Variants in ANKRD28 observed in about 807,000 individuals in gnomAD.
The protein encoded by ANKRD28 is serine/threonine-protein phosphatase 6 regulatory ankyrin repeat subunit A.
Under a neutral mutation model 126.5 loss-of-function variants are expected in ANKRD28, and 44 were observed. The observed-to-expected ratio is 0.35, with a 90% CI of 0.27 to 0.45. The LOEUF (loss-of-function observed/expected upper bound fraction) is 0.45. Among genes scored for constraint, ANKRD28 ranks in the 20% least tolerant of loss-of-function variants. The pLI, the probability that ANKRD28 is intolerant of heterozygous loss-of-function variation, is 1.00. For missense variants in ANKRD28, 1,110 were observed against 1,316.6 expected (o/e 0.84, Z 2.43); for synonymous variants, 442 against 468.5 (o/e 0.94, Z 0.73).
intron 2 of ANKRD28, among the ~76,000 whole-genome samples, chr3:15,770,416 A>G (rs1202723087): frequency 7.8e-6 from 1 of 128,492 alleles, no homozygotes; most frequent in Non-Finnish European, 1.5e-5. Flanking sequence ...ATATATACAT[A>G]TATATATATA....
Position 15,690,031 on chromosome 3 carries a change from T to C in ANKRD28, c.1951A>G (p.Ile651Val), listed in dbSNP as rs778682149. The C allele has an allele frequency of 2.8e-5, 45 of 1,607,878 alleles. No individual in the cohort carries two copies. Among genetic ancestry groups the C allele is most frequent in the Admixed American group, 5.1e-5 (3 of 59,378 alleles). Reference protein sequence around the residue: ...VKDYILKRTPIHAAATNGHSE... With the variant: ...VKDYILKRTPVHAAATNGHSE... Reference sequence around the variant, plus strand: ...ATATCTGGCATACCTGCTGCATGAATAGGTGTCCTCTTCAAAATGTAATCT... The same window carrying C: ...ATATCTGGCATACCTGCTGCATGAACAGGTGTCCTCTTCAAAATGTAATCT... The change falls in exon 18 of 28, where the codon ATT becomes GTT. Residue 651 changes from isoleucine to valine, a missense_variant. Coordinates refer to ENST00000683139, the MANE Select transcript of ANKRD28 (RefSeq NM_001349278.2).
chr3:15,745,148 G>A (rs1575503149), intron 4 of ANKRD28, among the ~76,000 whole-genome samples: 1 of 152,256 alleles, frequency 6.6e-6, no homozygotes, highest in East Asian at 1.9e-4. Flanking sequence ...TTTGTTAGGT[G>A]TATAGATTGC....
chr3:15,851,917 C>A (rs1016474085), intron 1 of ANKRD28, among the ~76,000 whole-genome samples: 1 of 152,042 alleles, frequency 6.6e-6, no homozygotes, highest in African/African-American at 2.4e-5. Context: ...TATGGTATAT[C>A]CATACAATGG....
chr3:15,765,234 C>G (rs143379085), intron 3 of ANKRD28, among the ~76,000 whole-genome samples: 2 of 152,152 alleles, frequency 1.3e-5, no homozygotes, highest in Admixed American at 6.5e-5. Context: ...GTAGTCTGAC[C>G]ACAATAGGAG....
chr3:15,686,228 T>C lies in ANKRD28; in HGVS notation c.2045A>G (p.Asn682Ser), dbSNP rs1219083546. The C allele has an allele frequency of 5.7e-6, 9 of 1,591,570 alleles. No individual in the cohort carries two copies. Among genetic ancestry groups the C allele is most frequent in the Non-Finnish European group, 7.7e-6 (9 of 1,167,592 alleles). The change falls in exon 19 of 28, where the codon AAT becomes AGT. Residue 682 changes from asparagine (N) to serine (S), a missense_variant. Physicochemically the swap from Asn to Ser is conservative, Grantham distance 46 (BLOSUM62 1). Transcript: ENST00000683139. The part of the protein sequence containing the change: ...PQNAVDIQDG[N>S]GQTPLMLSVL... ...ATTATTTATCGAAACTTACTGTCCA[T>C]TTCCATCTTGAATATCCACTGCATT...
chr3:15,762,188 TAAAAAAA>T (rs1163421626), intron 3 of ANKRD28, among the ~76,000 whole-genome samples: 1 of 64,980 alleles, frequency 1.5e-5, no homozygotes, highest in Non-Finnish European at 2.9e-5. Flanking sequence ...ACTATGTCTT[TAAAAAAA>T]AAAAAAAAAA....
intron 3 of ANKRD28, among the ~76,000 whole-genome samples, chr3:15,753,671 G>A (rs145697631): frequency 1.3e-5 from 2 of 152,194 alleles, no homozygotes; most frequent in African/African-American, 4.8e-5. Context: ...GAAGGGCACA[G>A]GGGCTCATGA....
chr3:15,749,287 T>C (rs992007731), intron 4 of ANKRD28, among the ~76,000 whole-genome samples: 2 of 150,960 alleles, frequency 1.3e-5, no homozygotes, highest in African/African-American at 4.9e-5. Flanking sequence ...ATTTTTTGTA[T>C]TTTTTTAGTA....
rs140948135 is a variant in ANKRD28, at chr3:15,712,389, G to A, written c.1191-167C>T. On this transcript the variant is annotated intron_variant, in intron 10 of 27. Coordinates refer to ENST00000683139, the MANE Select transcript of ANKRD28 (RefSeq NM_001349278.2). The stretch of plus-strand genomic sequence containing the variant: ...GTTTGATGGTGGGCATAACTTATTA[G>A]CCAGCTATTTTTCTCCAAAAGTCAG... Among the ~76,000 whole-genome samples, 433 of 152,314 alleles carry A rather than the reference G, an allele frequency of 2.8e-3. 2 individuals carry two copies. Among genetic ancestry groups the A allele is most frequent in the Middle Eastern group, 0.01 (3 of 294 alleles).
At chr3:15,796,010 A>T (rs1434379622) in intron 1 of ANKRD28, among the ~76,000 whole-genome samples, 1 of 152,190 alleles carries the variant, frequency 6.6e-6, no homozygotes, top group African/African-American at 2.4e-5. Flanking sequence ...AAATACATAA[A>T]ATTCATTACA....
At chr3:15,745,549 T>G (rs560606814) in intron 4 of ANKRD28, among the ~76,000 whole-genome samples, 40 of 152,312 alleles carry the variant, frequency 2.6e-4, no homozygotes, top group Non-Finnish European at 5.1e-4. Context: ...TGGGTTCTAT[T>G]TCTGTTCCAT....
At chr3:15,821,242 A>C (rs972185995) in intron 1 of ANKRD28, among the ~76,000 whole-genome samples, 2 of 152,254 alleles carry the variant, frequency 1.3e-5, no homozygotes, top group African/African-American at 4.8e-5. Context: ...AGCTTACTAC[A>C]AAAAGCAAAA....
At chr3:15,823,982 T>C (rs1312510177) in intron 1 of ANKRD28, among the ~76,000 whole-genome samples, 1 of 152,196 alleles carries the variant, frequency 6.6e-6, no homozygotes. Flanking sequence ...CAATGCTTTC[T>C]TTCAAAGATC....
intron 21 of ANKRD28, 111 bp downstream of exon 21, chr3:15,685,115 T>A: frequency 9.1e-7 from 1 of 1,095,738 alleles, no homozygotes; most frequent in Non-Finnish European, 1.4e-6. Context: ...ATACAGTAGA[T>A]TATTCCCAAG....
chr3:15,758,686 C>T (rs201095509), intron 3 of ANKRD28, among the ~76,000 whole-genome samples: 3 of 152,248 alleles, frequency 2.0e-5, no homozygotes, highest in Non-Finnish European at 2.9e-5. Context: ...TCAATCCTGA[C>T]GGCACCTTGA....
At chr3:15,844,284 T>C (rs1301878103) in intron 1 of ANKRD28, among the ~76,000 whole-genome samples, 1 of 152,132 alleles carries the variant, frequency 6.6e-6, no homozygotes, top group Non-Finnish European at 1.5e-5. Context: ...AACACTATTA[T>C]ACATAATGTT....
chr3:15,690,303 A>G, intron 17 of ANKRD28, 83 bp from the exon 18 acceptor site: 1 of 1,142,750 alleles, frequency 8.8e-7, no homozygotes, highest in Non-Finnish European at 1.2e-6. Context: ...AAATAAGCAA[A>G]CTTGTCTTCA....
At chr3:15,697,570 T>C (rs756622804) in intron 14 of ANKRD28, among the ~76,000 whole-genome samples, 4 of 152,168 alleles carry the variant, frequency 2.6e-5, no homozygotes, top group Admixed American at 6.6e-5. Context: ...TTTGCGTACG[T>C]TGAACCAGCC....
chr3:15,737,329 T>C (rs1182292790), intron 4 of ANKRD28, 96 bp from the exon 5 acceptor site: 1 of 1,021,184 alleles, frequency 9.8e-7, no homozygotes, highest in Non-Finnish European at 1.4e-6. Flanking sequence ...AATATGTATC[T>C]ACATATGAAG....
Sources: gnomAD v4.1 joint callset for allele counts (sites outside exome capture counted in the v4.1 genomes callset) on GRCh38, gnomAD v4.1.1 for gene constraint, MANE v1.5 for transcripts, NCBI Gene and HGNC (gene_info 2026-07-23, HGNC 2026-07-21) for gene names.